RGS7: variants seen among roughly 807,000 people sequenced by gnomAD.
The protein encoded by RGS7 is regulator of G-protein signaling 7.
RGS7 carries 27 observed loss-of-function variants against 81.1 expected under a neutral mutation model. That is an observed-to-expected ratio of 0.33 (90% CI 0.25 to 0.46). The LOEUF is 0.46. Ranked by LOEUF, RGS7 falls within the 20% of genes least tolerant of loss-of-function variation. The pLI is 1.00. For missense variants in RGS7, 396 were observed against 607.4 expected, an observed-to-expected ratio of 0.65 and a Z score of 3.66; for synonymous variants, 208 against 207.7, an observed-to-expected ratio of 1.00 and a Z score of -0.01.
At chr1:241,338,658 T>C (rs2082370585) in intron 2 of RGS7, among the ~76,000 whole-genome samples, 1 of 151,454 alleles carries the variant, frequency 6.6e-6, no homozygotes, top group Non-Finnish European at 1.5e-5. Context: ...TTTAAAAACT[T>C]GAATAACTAT....
At chr1:241,293,277 T>A (rs759200621) in intron 2 of RGS7, among the ~76,000 whole-genome samples, 4 of 152,228 alleles carry the variant, frequency 2.6e-5, no homozygotes, top group Non-Finnish European at 5.9e-5. Context: ...ATACAGTACA[T>A]AATACTTACT....
chr1:241,305,180 TA>T (rs2080013687), intron 2 of RGS7, among the ~76,000 whole-genome samples: 1 of 152,258 alleles, frequency 6.6e-6, no homozygotes, highest in African/African-American at 2.4e-5. Context: ...TGAAATAATT[TA>T]CAAATGTATT....
intron 3 of RGS7, among the ~76,000 whole-genome samples, chr1:241,038,014 C>T (rs1261001331): frequency 1.3e-5 from 2 of 152,110 alleles, no homozygotes; most frequent in Non-Finnish European, 2.9e-5. Context: ...ACAGTGTATA[C>T]TGCTCAGGTA....
At chr1:241,276,653 G>A (rs1363834808) in intron 2 of RGS7, among the ~76,000 whole-genome samples, 1 of 152,138 alleles carries the variant, frequency 6.6e-6, no homozygotes, top group African/African-American at 2.4e-5. Flanking sequence ...AGGGTGTATT[G>A]AGCATCTTCT....
chr1:240,893,035 T>C (rs1378786645), intron 6 of RGS7, among the ~76,000 whole-genome samples: 1 of 151,958 alleles, frequency 6.6e-6, no homozygotes, highest in Non-Finnish European at 1.5e-5. Flanking sequence ...TCTAGTTAAG[T>C]GATAAATACT....
At chr1:240,845,330 G>A (rs926615053) in intron 9 of RGS7, among the ~76,000 whole-genome samples, 5 of 152,166 alleles carry the variant, frequency 3.3e-5, no homozygotes, top group Non-Finnish European at 7.4e-5. Flanking sequence ...TTGCCTCAGA[G>A]TTCAAGTAGA....
chr1:241,219,196 T>C (rs911001471), intron 2 of RGS7, among the ~76,000 whole-genome samples: 1 of 152,124 alleles, frequency 6.6e-6, no homozygotes, highest in African/African-American at 2.4e-5. Flanking sequence ...TTTCCACATG[T>C]TGTGGGAGGG....
chr1:241,186,119 A>G (rs561592203), intron 2 of RGS7, among the ~76,000 whole-genome samples: 1 of 152,204 alleles, frequency 6.6e-6, no homozygotes, highest in Non-Finnish European at 1.5e-5. Flanking sequence ...AATTATCAAT[A>G]TCAGGGAAAA....
intron 6 of RGS7, among the ~76,000 whole-genome samples, chr1:240,878,994 G>A (rs561825136): frequency 6.6e-6 from 1 of 152,054 alleles, no homozygotes; most frequent in Non-Finnish European, 1.5e-5. Context: ...CCTAGAAATG[G>A]TATCAAAGGG....
chr1:241,047,423 T>C (rs2060994043), intron 3 of RGS7, among the ~76,000 whole-genome samples: 1 of 152,216 alleles, frequency 6.6e-6, no homozygotes, highest in Non-Finnish European at 1.5e-5. Flanking sequence ...TTCTTCTCTC[T>C]CTCACTTGGG....
chr1:241,055,051 C>T (rs1257639936), intron 3 of RGS7, among the ~76,000 whole-genome samples: 1 of 152,082 alleles, frequency 6.6e-6, no homozygotes, highest in Non-Finnish European at 1.5e-5. Context: ...AATAAAAATG[C>T]CACAGTGCAC....
intron 3 of RGS7, among the ~76,000 whole-genome samples, chr1:241,046,149 A>AT (rs1366263927): frequency 6.6e-6 from 1 of 151,842 alleles, no homozygotes; most frequent in Non-Finnish European, 1.5e-5. Flanking sequence ...GGGTAGATCC[A>AT]TTTTTCAAAA....
chr1:241,283,009 A>G (rs2078607218), intron 2 of RGS7, among the ~76,000 whole-genome samples: 1 of 152,168 alleles, frequency 6.6e-6, no homozygotes, highest in African/African-American at 2.4e-5. Flanking sequence ...ATGACAATCT[A>G]CTAGTGTCAT....
intron 2 of RGS7, among the ~76,000 whole-genome samples, chr1:241,244,074 C>T (rs1165302819): frequency 3.3e-5 from 5 of 152,136 alleles, no homozygotes; most frequent in Middle Eastern, 6.8e-3. Context: ...CAAGTATGAA[C>T]TTAAACTGAC....
intron 2 of RGS7, among the ~76,000 whole-genome samples, chr1:241,279,344 G>A (rs189483333): frequency 1.1e-4 from 17 of 152,216 alleles, no homozygotes; most frequent in Non-Finnish European, 2.2e-4. Context: ...TATGTTCTTT[G>A]AGGGAAAGTA....
At chr1:240,960,523 T>A (rs1207932991) in intron 4 of RGS7, among the ~76,000 whole-genome samples, 3 of 148,856 alleles carry the variant, frequency 2.0e-5, no homozygotes, top group Non-Finnish European at 4.5e-5. Flanking sequence ...ATTACAGGCG[T>A]GAGCCACTGT....
intron 4 of RGS7, among the ~76,000 whole-genome samples, chr1:240,977,362 A>C (rs1412119401): frequency 6.6e-6 from 1 of 152,142 alleles, no homozygotes; most frequent in Non-Finnish European, 1.5e-5. Context: ...TGTGTTTTGC[A>C]TTTGCATGTG....
intron 6 of RGS7, among the ~76,000 whole-genome samples, chr1:240,904,239 T>C (rs1670467436): frequency 6.6e-6 from 1 of 152,096 alleles, no homozygotes; most frequent in Admixed American, 6.6e-5. Flanking sequence ...GATAATTAAC[T>C]ATGTGAACTA....
At chr1:241,207,197 G>C (rs111891249) in intron 2 of RGS7, among the ~76,000 whole-genome samples, 1 of 150,644 alleles carries the variant, frequency 6.6e-6, no homozygotes, top group East Asian at 2.0e-4. Context: ...TCAATCTCCC[G>C]ACCTCGTGAT....
Sources: gnomAD v4.1 joint callset for allele counts (sites outside exome capture counted in the v4.1 genomes callset) on GRCh38, gnomAD v4.1.1 for gene constraint, MANE v1.5 for transcripts, NCBI Gene and HGNC (gene_info 2026-07-23, HGNC 2026-07-21) for gene names.